ERN1: variants seen among roughly 807,000 people sequenced by gnomAD.
ERN1 encodes serine/threonine-protein kinase/endoribonuclease IRE1.
Under a neutral mutation model 113.1 loss-of-function variants are expected in ERN1, and 39 were observed. The ratio of observed to expected loss-of-function variants is 0.34; its 90% CI spans 0.27 to 0.45. The LOEUF (loss-of-function observed/expected upper bound fraction) is 0.45, where lower values mean the gene tolerates loss of function less well. ERN1 is among the 20% of genes least tolerant of loss of function. ERN1 has a pLI of 1.00. For synonymous variants in ERN1, 507 were observed against 515.9 expected (o/e 0.98, Z 0.23); for missense variants, 976 against 1,274.8 (o/e 0.77, Z 3.57).
At chr17:64,119,361 T>C (rs1254706522) in intron 1 of ERN1, among the ~76,000 whole-genome samples, 2 of 149,866 alleles carry the variant, frequency 1.3e-5, no homozygotes, top group Admixed American at 1.3e-4. Context: ...TAATATTAGG[T>C]TCCTTTTTTT....
At chr17:64,060,273 T>C (rs1026808332) in intron 11 of ERN1, among the ~76,000 whole-genome samples, 196 bp downstream of exon 11, 1 of 152,212 alleles carries the variant, frequency 6.6e-6, no homozygotes, top group Admixed American at 6.5e-5. Flanking sequence ...CTGCCTTTCC[T>C]GCACCTTCTT....
Position 64,104,652 on chromosome 17 carries a change from C to G in ERN1, c.55-6411G>C, listed in dbSNP as rs192168140. Among the ~76,000 whole-genome samples, 24 of 152,158 alleles carry G rather than the reference C, an allele frequency of 1.6e-4. 1 individual carries two copies. Among genetic ancestry groups the G allele is most frequent in the African/African-American group, 4.3e-4 (18 of 41,504 alleles). ...TGGTCAACATAGTGAAACCCTGTCT[C>G]TACTAAAAATACAAAAATTAGCCAG... On this transcript the variant is annotated intron_variant, in intron 1 of 21. Coordinates refer to ENST00000433197, the MANE Select transcript of ERN1 (RefSeq NM_001433.5).
chr17:64,091,378 G>A lies in ERN1; in HGVS notation c.175+6743C>T, dbSNP rs181157748. ...TTGTTTCTCAGGACTCCCAAAAGAC[G>A]TCCAGGCAGAAGAGTTCTGGGACCC... On this transcript the variant is annotated intron_variant, in intron 2 of 21. Transcript: ENST00000433197. 3.7e-4 allele frequency among the ~76,000 whole-genome samples: 57 copies of A among 152,326 alleles called. No individual in the cohort carries two copies. The Middle Eastern group carries it at 0.01, about 27-fold the overall frequency.
chr17:64,116,652 AT>A (rs996998598), intron 1 of ERN1, among the ~76,000 whole-genome samples: 2 of 142,846 alleles, frequency 1.4e-5, no homozygotes, highest in African/African-American at 3.0e-5. Context: ...TAAAAAAAAA[AT>A]AACACACACA....
At chr17:64,127,939 A>G (rs1915123193) in intron 1 of ERN1, among the ~76,000 whole-genome samples, 1 of 151,954 alleles carries the variant, frequency 6.6e-6, no homozygotes, top group Non-Finnish European at 1.5e-5. Context: ...TTTTAAAATA[A>G]TAATTCTTAC....
At chr17:64,109,355 T>C (rs1441773398) in intron 1 of ERN1, among the ~76,000 whole-genome samples, 1 of 152,188 alleles carries the variant, frequency 6.6e-6, no homozygotes, top group African/African-American at 2.4e-5. Flanking sequence ...TACAAACAAC[T>C]GTATTTATGA....
At chr17:64,066,368 T>G (rs950800901) in intron 8 of ERN1, among the ~76,000 whole-genome samples, 2 of 152,244 alleles carry the variant, frequency 1.3e-5, no homozygotes, top group East Asian at 1.9e-4. Flanking sequence ...CTCAAACTCC[T>G]GTGCTCAAAC....
chr17:64,107,282 TAAGTA>T (rs1202993472), intron 1 of ERN1, among the ~76,000 whole-genome samples: 4 of 152,218 alleles, frequency 2.6e-5, no homozygotes, highest in African/African-American at 9.6e-5. Context: ...GAAGTTATGT[TAAGTA>T]AAGACTTAAT....
chr17:64,080,014 C>G (rs577243736), intron 3 of ERN1, among the ~76,000 whole-genome samples: 24 of 152,260 alleles, frequency 1.6e-4, no homozygotes, highest in African/African-American at 5.3e-4. Flanking sequence ...ATCATTTGGT[C>G]AAAGCACTCT....
intron 1 of ERN1, among the ~76,000 whole-genome samples, chr17:64,120,046 T>A (rs1205647660): frequency 2.0e-5 from 3 of 152,174 alleles, no homozygotes; most frequent in Admixed American, 1.3e-4. Flanking sequence ...TGTAAGCCAC[T>A]GAGCCTGGCC....
At chr17:64,097,866 TTTTAACATGAAGTCTAAACAGAAGC>T in intron 2 of ERN1, 1 of 425,254 alleles carries the variant, frequency 2.4e-6, no homozygotes, top group Non-Finnish European at 4.2e-6. Flanking sequence ...CCTAGAGCCA[TTTTAACATGAAGTCTAAACAGAAGC>T]AAAAAAGAAG....
Position 64,120,099 on chromosome 17 carries a change from C to G in ERN1, c.54+9877G>C, listed in dbSNP as rs564609025. Among the ~76,000 whole-genome samples the G allele has an allele frequency of 1.8e-4, 27 of 152,218 alleles. No individual in the cohort carries two copies. In the East Asian group the frequency reaches 5.0e-3, roughly 28 times the overall value. On this transcript the variant is annotated intron_variant, in intron 1 of 21. Coordinates refer to ENST00000433197, the MANE Select transcript of ERN1 (RefSeq NM_001433.5). The stretch of plus-strand genomic sequence containing the variant: ...AAAAAAGAAAAGATGCCGGCCCCCA[C>G]TCCCAGAGATTCCAATTTCATTCAC...
At position 64,044,160 on chromosome 17, in the gene ERN1, G is replaced by A. The variant is rs759864811; in HGVS notation, c.2762C>T (p.Thr921Met). The change falls in exon 22 of 22, where the codon ACG (threonine) becomes ATG (methionine). Residue 921 changes from threonine to methionine, a missense_variant. By Grantham distance (81) the Thr-to-Met change is moderately conservative. Around this residue, in one of 5 missense-constraint regions of ERN1, gnomAD observed 92 missense variants for 87.3 expected, o/e 1.05. Coordinates refer to ENST00000433197, the MANE Select transcript of ERN1 (RefSeq NM_001433.5). This position sits in a 1 kb window ranked among gnomAD's most constrained non-coding sequence, Gnocchi z 4.1. ...GAAGTCGTCGGGGAGGGACCCCAGC[G>A]TCTCCCGCACCTCTGCAGGCAGCTC... ...YRELPAEVRE[T>M]LGSLPDDFVC... 8.8e-6 allele frequency: 14 copies of A among 1,593,722 alleles called. No individual in the cohort carries two copies. Among genetic ancestry groups the A allele is most frequent in the South Asian group, 2.3e-5 (2 of 88,516 alleles).
intron 4 of ERN1, 21 bp from the exon 5 acceptor site, chr17:64,075,268 A>AAG: frequency 2.8e-6 from 4 of 1,420,744 alleles, no homozygotes; most frequent in African/African-American, 1.5e-5. Flanking sequence ...AAAAAAAAAG[A>AAG]AAAAAAAAAG....
rs747634941 is a variant in ERN1 at position 64,068,202 on chromosome 17, C to T, written c.568G>A (p.Asp190Asn). The T allele has an allele frequency of 8.7e-6, 14 of 1,608,966 alleles. No homozygotes were observed. The highest frequency in any genetic ancestry group is 1.1e-5 in the South Asian group (1 of 90,028). ...FDYAASLPED[D>N]VDYKMSHFVS... ...AGAGAGCACTTACTGTAGTCCACGTCGTCCTCAGGCAGTGAGGCCGCATAG... is the reference window on the plus strand; with the variant it reads ...AGAGAGCACTTACTGTAGTCCACGTTGTCCTCAGGCAGTGAGGCCGCATAG... The change falls in exon 7 of 22, where the codon GAC becomes AAC. Residue 190 changes from aspartate to asparagine, a missense_variant. Asp to Asn is a conservative substitution (Grantham distance 23). Around this residue, in one of 5 missense-constraint regions of ERN1, gnomAD observed 459 missense variants for 581.2 expected, o/e 0.79. Coordinates refer to ENST00000433197, the MANE Select transcript of ERN1 (RefSeq NM_001433.5).
chr17:64,111,283 A>G (rs1274657769), intron 1 of ERN1, among the ~76,000 whole-genome samples: 1 of 152,082 alleles, frequency 6.6e-6, no homozygotes, highest in Non-Finnish European at 1.5e-5. Flanking sequence ...TGTCATTCTC[A>G]GTTTTCCCAG....
chr17:64,075,224 T>A lies in ERN1; in HGVS notation c.306A>T (p.Glu102Asp), dbSNP rs945286930. Residue 102 changes from glutamate (E) to aspartate (D), a missense_variant, in exon 5 of 22, where the codon GAA becomes GAT. This residue lies in a region of ERN1 where 459 missense variants were observed against 581.2 expected (regional missense o/e 0.79). Transcript: ENST00000433197. ...TTCGGCATGGGGATGCCTGCACCAA[T>A]TCTGGGATGGTAAAAGGAAGTTTCT... is the stretch of plus-strand genomic sequence containing the variant. ...GLTKLPFTIP[E>D]LVQASPCRSS... is the part of the protein sequence containing the mutation. 29 of 1,490,440 alleles carry A rather than the reference T, an allele frequency of 1.9e-5. No individual in the cohort carries two copies. Among genetic ancestry groups the A allele is most frequent in the Admixed American group, 2.8e-5 (1 of 35,650 alleles). 92.3% of individuals were successfully genotyped at this position (1,490,440 alleles called of 1,614,324 possible). A position where few individuals can be genotyped will look rare whatever the true frequency, so the allele number is the denominator to read the frequency against.
chr17:64,096,429 G>A (rs1914231785), intron 2 of ERN1, among the ~76,000 whole-genome samples: 1 of 152,176 alleles, frequency 6.6e-6, no homozygotes, highest in South Asian at 2.1e-4. Flanking sequence ...AAGAAGCTCA[G>A]GGCTCCTACT....
chr17:64,098,266 T>C, intron 1 of ERN1, 25 bp from the exon 2 acceptor site: 1 of 1,613,644 alleles, frequency 6.2e-7, no homozygotes, highest in Non-Finnish European at 8.5e-7. Flanking sequence ...AGAAGACTCT[T>C]AATGTTGATA....
Sources: gnomAD v4.1 joint callset for allele counts (sites outside exome capture counted in the v4.1 genomes callset) on GRCh38, gnomAD v4.1.1 for gene constraint, gnomAD v4.1.1 regional missense constraint, Gnocchi (gnomAD v3.1) non-coding constraint, MANE v1.5 for transcripts, NCBI Gene and HGNC (gene_info 2026-07-23, HGNC 2026-07-21) for gene names.